The following GPC3 variants were observed in gnomAD, a reference collection of about 807,000 sequenced individuals.
GPC3 encodes the protein glypican 3.
GPC3 carries 3 observed loss-of-function variants against 34.4 expected under a neutral mutation model. The observed-to-expected ratio is 0.09, with a 90% CI of 0.04 to 0.23. The LOEUF is 0.23. Among genes scored for constraint, GPC3 ranks in the 10% least tolerant of loss-of-function variants. The probability of loss-of-function intolerance (pLI) is 1.00; values close to 1 mark genes in which losing one functional copy is unlikely to be tolerated. For missense variants in GPC3, 351 were observed against 445.6 expected, an observed-to-expected ratio of 0.79 and a Z score of 1.91; for synonymous variants, 177 against 174.0, an observed-to-expected ratio of 1.02 and a Z score of -0.13.
intron 2 of GPC3, among the ~76,000 whole-genome samples, chrX:133,835,924 C>T (rs758566876): frequency 1.8e-5 from 2 of 113,156 alleles, no homozygotes; most frequent in East Asian, 5.6e-4. Context: ...CTTCTCTCTT[C>T]TTTAGGTCTG....
intron 3 of GPC3, among the ~76,000 whole-genome samples, chrX:133,705,557 A>T (rs1228887391): frequency 8.9e-6 from 1 of 112,179 alleles, no homozygotes; most frequent in Non-Finnish European, 1.9e-5. Context: ...TCACAATGTT[A>T]GTAAATGGTA....
chrX:133,588,367 T>C (rs1342473197), intron 7 of GPC3, among the ~76,000 whole-genome samples: 3 of 110,849 alleles, frequency 2.7e-5, no homozygotes, highest in African/African-American at 9.9e-5. Flanking sequence ...CCTAACAACT[T>C]TCCCATTTAA....
In GPC3 at chrX:133,743,629, T is replaced by C. The variant is rs754910707; in HGVS notation, c.1032+9853A>G. 4.3e-4 allele frequency among the ~76,000 whole-genome samples: 48 copies of C among 112,209 alleles called. 1 individual carries two copies. The highest frequency in any genetic ancestry group is 5.3e-4 in the Non-Finnish European group (28 of 53,228). ...ACAGTGTATATGACTCTGTTTTGTG[T>C]GGCATTTCAGCTTTTCTAATGAAGG... On this transcript the variant is annotated intron_variant, in intron 3 of 7. Transcript: ENST00000370818.
chrX:133,594,160 A>G (rs753011602), intron 7 of GPC3, among the ~76,000 whole-genome samples: 4 of 111,674 alleles, frequency 3.6e-5, no homozygotes, highest in Non-Finnish European at 7.5e-5. Context: ...CAAAGAAAGA[A>G]TCGACAGGGA....
intron 2 of GPC3, among the ~76,000 whole-genome samples, chrX:133,790,267 G>A (rs1318399948): frequency 9.0e-6 from 1 of 111,507 alleles, no homozygotes; most frequent in Non-Finnish European, 1.9e-5. Flanking sequence ...CTGGCAATTG[G>A]CAAGGACCAG....
chrX:133,665,773 T>C (rs1177611102), intron 5 of GPC3, among the ~76,000 whole-genome samples: 1 of 112,004 alleles, frequency 8.9e-6, no homozygotes, highest in African/African-American at 3.2e-5. Flanking sequence ...TATGTTCATA[T>C]AATGCGGTCT....
chrX:133,934,750 C>A (rs1015063591), intron 2 of GPC3, among the ~76,000 whole-genome samples: 1 of 105,995 alleles, frequency 9.4e-6, no homozygotes, highest in African/African-American at 3.5e-5. Context: ...CTTCGAACTC[C>A]TGGGTTCAAG....
At chrX:133,686,768 AAC>A (rs762283767) in intron 5 of GPC3, among the ~76,000 whole-genome samples, 3,790 of 97,446 alleles carry the variant, frequency 0.039, 77 homozygotes, top group African/African-American at 0.067. Flanking sequence ...ATTTTACCTC[AAC>A]ACACACACAC....
intron 7 of GPC3, among the ~76,000 whole-genome samples, chrX:133,584,272 C>T (rs1203734516): frequency 8.9e-6 from 1 of 111,767 alleles, no homozygotes; most frequent in Non-Finnish European, 1.9e-5. Context: ...CACTGAGCAG[C>T]ATGGAGGGAA....
chrX:133,811,737 C>A (rs922028007), intron 2 of GPC3, among the ~76,000 whole-genome samples: 2 of 111,845 alleles, frequency 1.8e-5, no homozygotes. Flanking sequence ...CATTTTAAAG[C>A]CACATAATCA....
At chrX:133,628,344 A>C (rs1192062290) in intron 6 of GPC3, among the ~76,000 whole-genome samples, 2 of 112,166 alleles carry the variant, frequency 1.8e-5, no homozygotes, top group Non-Finnish European at 3.8e-5. Flanking sequence ...TGGTTGATGG[A>C]TTTGAAGCTG....
At chrX:133,957,753 A>G (rs2076422808) in intron 1 of GPC3, among the ~76,000 whole-genome samples, 1 of 112,359 alleles carries the variant, frequency 8.9e-6, no homozygotes, top group Non-Finnish European at 1.9e-5. Flanking sequence ...GGGACAAAGG[A>G]AAATTAAAAG....
At chrX:133,683,916 A>T (rs1247296655) in intron 5 of GPC3, among the ~76,000 whole-genome samples, 4 of 112,109 alleles carry the variant, frequency 3.6e-5, no homozygotes, top group Non-Finnish European at 5.6e-5. Context: ...CTAAGTCCAT[A>T]GAGAGATTAT....
At chrX:133,663,689 C>T (rs929031780) in intron 5 of GPC3, among the ~76,000 whole-genome samples, 2 of 111,612 alleles carry the variant, frequency 1.8e-5, no homozygotes, top group Admixed American at 9.5e-5. Context: ...TTTCAATTTT[C>T]AGTCACTCTC....
In GPC3 at chrX:133,722,497, A is replaced by C. The variant is rs2071376806; in HGVS notation, c.1033-22469T>G. On this transcript the variant is annotated intron_variant, in intron 3 of 7. Coordinates refer to ENST00000370818, the MANE Select transcript of GPC3 (RefSeq NM_004484.4). ...TTATTAAAGGCTAAAGGAGTATTAC[A>C]GGCTATAAAGGAAAATATTAAAGTG... 3.6e-5 allele frequency among the ~76,000 whole-genome samples: 4 copies of C among 112,311 alleles called. No homozygotes were observed. The Admixed American group carries it at 3.8e-4, about 11-fold the overall frequency.
At chrX:133,960,143 A>G (rs1019127305) in intron 1 of GPC3, among the ~76,000 whole-genome samples, 1 of 110,503 alleles carries the variant, frequency 9.0e-6, no homozygotes, top group African/African-American at 3.3e-5. Flanking sequence ...GTGTTTGGAA[A>G]CAGTGGAATA....
intron 2 of GPC3, among the ~76,000 whole-genome samples, chrX:133,834,161 T>C (rs963401111): frequency 3.6e-5 from 4 of 112,077 alleles, no homozygotes; most frequent in African/African-American, 1.3e-4. Flanking sequence ...TGCAATATGG[T>C]AGGAGTAATT....
chrX:133,744,743 C>T (rs769065897), intron 3 of GPC3, among the ~76,000 whole-genome samples: 1 of 112,184 alleles, frequency 8.9e-6, no homozygotes, highest in Non-Finnish European at 1.9e-5. Context: ...TTCACAATAG[C>T]AAAGACTTGG....
At chrX:133,736,401 A>G (rs1457481634) in intron 3 of GPC3, among the ~76,000 whole-genome samples, 3 of 112,230 alleles carry the variant, frequency 2.7e-5, no homozygotes, top group African/African-American at 9.7e-5. Flanking sequence ...GATGAAACAT[A>G]CATCCACACA....
Sources: allele counts gnomAD v4.1 joint callset (sites outside exome capture counted in the v4.1 genomes callset), GRCh38; gene constraint gnomAD v4.1.1; transcripts MANE v1.5; gene names NCBI Gene and HGNC (gene_info 2026-07-23, HGNC 2026-07-21).